Variants in COG6 observed in about 807,000 individuals in gnomAD.
COG6 encodes the protein component of oligomeric golgi complex 6.
A neutral mutation model predicts 88.8 loss-of-function variants in COG6; 74 were observed. The observed-to-expected ratio is 0.83, with a 90% confidence interval of 0.69 to 1.01. COG6 has a LOEUF of 1.01. Among genes scored for constraint, COG6 ranks in the 50% least tolerant of loss-of-function variants. The pLI, the probability that COG6 is intolerant of heterozygous loss-of-function variation, is 0.00. For missense variants in COG6, 800 were observed against 797.9 expected (o/e 1.00, Z -0.03); for synonymous variants, 286 against 278.7 (o/e 1.03, Z -0.26).
intron 4 of COG6, among the ~76,000 whole-genome samples, chr13:39,675,498 T>C (rs1171168856): frequency 6.6e-6 from 1 of 152,188 alleles, no homozygotes; most frequent in Non-Finnish European, 1.5e-5. Context: ...GTTACCATCT[T>C]GATATATTAA....
chr13:39,656,346 GACA>G (rs1874496167), intron 1 of COG6: 2 of 355,036 alleles, frequency 5.6e-6, no homozygotes, highest in Non-Finnish European at 1.1e-5. Context: ...ACGGACAAGT[GACA>G]ACAATTGCAA....
At chr13:39,717,085 T>G (rs1878566320) in intron 13 of COG6, among the ~76,000 whole-genome samples, 1 of 152,174 alleles carries the variant, frequency 6.6e-6, no homozygotes, top group Non-Finnish European at 1.5e-5. Context: ...TGAAGAATAG[T>G]TTTGCTGAAT....
intron 11 of COG6, among the ~76,000 whole-genome samples, chr13:39,693,673 A>C (rs1877106334): frequency 6.6e-6 from 1 of 151,996 alleles, no homozygotes; most frequent in Non-Finnish European, 1.5e-5. Context: ...TAAACATATT[A>C]ATGTAAAGGT....
chr13:39,682,782 A>G (rs1876391132), intron 8 of COG6, among the ~76,000 whole-genome samples: 2 of 151,936 alleles, frequency 1.3e-5, no homozygotes, highest in Non-Finnish European at 2.9e-5. Flanking sequence ...TGCATTTTGT[A>G]TTTGTTGATA....
At chr13:39,700,131 A>G (rs1222408185) in intron 13 of COG6, among the ~76,000 whole-genome samples, 1 of 151,882 alleles carries the variant, frequency 6.6e-6, no homozygotes, top group Non-Finnish European at 1.5e-5. Flanking sequence ...CTAATATCTT[A>G]AATTGAGCAG....
At chr13:39,744,916 G>A (rs1880257116) in intron 18 of COG6, among the ~76,000 whole-genome samples, 1 of 152,072 alleles carries the variant, frequency 6.6e-6, no homozygotes, top group Admixed American at 6.6e-5. Flanking sequence ...ATAGACCAAT[G>A]GAACAGAACA....
intron 4 of COG6, among the ~76,000 whole-genome samples, chr13:39,675,738 A>G (rs546041973): frequency 2.6e-4 from 40 of 152,246 alleles, no homozygotes; most frequent in Admixed American, 1.5e-3. Context: ...TGTGCCTAAT[A>G]AATTGATTCT....
At chr13:39,699,767 G>A in intron 13 of COG6, 149 bp downstream of exon 13, 1 of 621,868 alleles carries the variant, frequency 1.6e-6, no homozygotes, top group Non-Finnish European at 2.9e-6. Context: ...TTTTGAGATG[G>A]CTTACTGGAC....
intron 11 of COG6, among the ~76,000 whole-genome samples, chr13:39,691,569 T>G (rs1262098119): frequency 6.6e-6 from 1 of 151,946 alleles, no homozygotes; most frequent in Non-Finnish European, 1.5e-5. Flanking sequence ...ATTTAGCAGG[T>G]GTTCACAATA....
intron 4 of COG6, among the ~76,000 whole-genome samples, chr13:39,674,999 A>G (rs946742934): frequency 1.3e-4 from 20 of 152,146 alleles, no homozygotes; most frequent in Admixed American, 3.3e-4. Context: ...TTTTATACCT[A>G]TAAAATGCCT....
intron 18 of COG6, among the ~76,000 whole-genome samples, chr13:39,743,330 G>A (rs530752771): frequency 1.5e-3 from 222 of 151,964 alleles, no homozygotes; most frequent in African/African-American, 4.8e-3. Flanking sequence ...TTTTTTGAAA[G>A]GATCAACAAA....
chr13:39,778,511 A>G (rs1262142309), intron 18 of COG6, among the ~76,000 whole-genome samples: 2 of 152,250 alleles, frequency 1.3e-5, no homozygotes, highest in East Asian at 3.8e-4. Flanking sequence ...TCTCCTTAGT[A>G]TCAGGAGAGG....
intron 12 of COG6, among the ~76,000 whole-genome samples, chr13:39,696,763 G>A (rs1017153824): frequency 2.0e-5 from 3 of 151,380 alleles, no homozygotes; most frequent in African/African-American, 7.3e-5. Flanking sequence ...GCAGATTTGT[G>A]TTATAAGGTT....
chr13:39,681,330 T>C (rs1008662355), intron 7 of COG6, among the ~76,000 whole-genome samples: 1 of 152,226 alleles, frequency 6.6e-6, no homozygotes, highest in African/African-American at 2.4e-5. Flanking sequence ...TGGAGTGTTG[T>C]CTGCCTTTCT....
intron 7 of COG6, among the ~76,000 whole-genome samples, chr13:39,681,754 C>A (rs944475281): frequency 6.6e-6 from 1 of 151,982 alleles, no homozygotes; most frequent in East Asian, 1.9e-4. Flanking sequence ...ATTAGTTAAC[C>A]ACATTAACAA....
intron 12 of COG6, among the ~76,000 whole-genome samples, chr13:39,695,466 G>A (rs1397346527): frequency 3.3e-5 from 5 of 151,698 alleles, no homozygotes; most frequent in Non-Finnish European, 7.4e-5. Flanking sequence ...GATAGTTTTT[G>A]TATTTTTCCA....
intron 3 of COG6, among the ~76,000 whole-genome samples, chr13:39,661,689 A>G (rs1210221124): frequency 6.6e-6 from 1 of 151,794 alleles, no homozygotes; most frequent in East Asian, 1.9e-4. Context: ...TCCAATATTT[A>G]GATATTTGTT....
At chr13:39,671,393 G>T (rs1029598861) in intron 4 of COG6, among the ~76,000 whole-genome samples, 16 of 151,472 alleles carry the variant, frequency 1.1e-4, no homozygotes, top group African/African-American at 3.6e-4. Context: ...CAATACAAAA[G>T]AGCTTTTTTT....
At chr13:39,661,593 TA>T (rs1276491347) in intron 3 of COG6, among the ~76,000 whole-genome samples, 2 of 152,192 alleles carry the variant, frequency 1.3e-5, no homozygotes, top group East Asian at 3.8e-4. Context: ...CTTGTTTCTC[TA>T]AAATTTTATC....
Sources: allele counts gnomAD v4.1 joint callset (sites outside exome capture counted in the v4.1 genomes callset), GRCh38; gene constraint gnomAD v4.1.1; transcripts MANE v1.5; gene names NCBI Gene and HGNC (gene_info 2026-07-23, HGNC 2026-07-21).